Variants in CACNA1C observed in about 807,000 individuals in gnomAD.
CACNA1C encodes voltage-dependent L-type calcium channel subunit alpha-1C.
In CACNA1C, 30 loss-of-function variants were observed where a neutral mutation model predicts 229.0. The observed-to-expected ratio is 0.13, with a 90% CI of 0.10 to 0.18. The LOEUF (loss-of-function observed/expected upper bound fraction) is 0.18, where lower values mean the gene tolerates loss of function less well. Ranked by LOEUF, CACNA1C falls within the 10% of genes least tolerant of loss-of-function variation. The pLI, the probability that CACNA1C is intolerant of heterozygous loss-of-function variation, is 1.00. For missense variants in CACNA1C, 1,658 were observed against 2,845.0 expected (o/e 0.58, Z 9.49); for synonymous variants, 1,114 against 1,132.5 (o/e 0.98, Z 0.33).
chr12:2,218,983 A>G (rs948916115), intron 3 of CACNA1C, among the ~76,000 whole-genome samples: 8 of 152,180 alleles, frequency 5.3e-5, no homozygotes, highest in African/African-American at 9.7e-5. Flanking sequence ...GGAAACTGTC[A>G]GTTTGTAAAT....
chr12:2,186,483 T>A (rs886207985), intron 3 of CACNA1C, among the ~76,000 whole-genome samples: 4 of 152,154 alleles, frequency 2.6e-5, no homozygotes, highest in African/African-American at 7.2e-5. Flanking sequence ...CCAAGAGAAC[T>A]TGCCTTCACT....
chr12:2,221,294 A>T (rs2061409938), intron 3 of CACNA1C, among the ~76,000 whole-genome samples: 2 of 152,140 alleles, frequency 1.3e-5, no homozygotes, highest in African/African-American at 2.4e-5. Flanking sequence ...TTAGAATACC[A>T]TCATTCTGCC....
chr12:2,265,443 T>C (rs865980210), intron 3 of CACNA1C, among the ~76,000 whole-genome samples: 1 of 152,178 alleles, frequency 6.6e-6, no homozygotes, highest in Non-Finnish European at 1.5e-5. Flanking sequence ...TGTGGTTTCC[T>C]CTACTTCCAC....
chr12:2,145,844 C>T (rs2094650551), intron 3 of CACNA1C, among the ~76,000 whole-genome samples: 1 of 150,902 alleles, frequency 6.6e-6, no homozygotes, highest in African/African-American at 2.4e-5. Flanking sequence ...TGGGGAGGCC[C>T]TGCAGTGTAG....
intron 4 of CACNA1C, among the ~76,000 whole-genome samples, chr12:2,455,799 G>A (rs941360732): frequency 2.0e-5 from 3 of 152,102 alleles, no homozygotes; most frequent in South Asian, 2.1e-4. Context: ...TTCATGGGGC[G>A]CCGTTCTCTC....
intron 2 of CACNA1C, among the ~76,000 whole-genome samples, chr12:2,118,631 C>A (rs895605536): frequency 6.6e-6 from 1 of 152,160 alleles, no homozygotes; most frequent in East Asian, 1.9e-4. Flanking sequence ...TCTGTTGGGC[C>A]GTAAGAATGT....
At position 2,067,708 on chromosome 12, in the gene CACNA1C, C is replaced by T. The variant is rs903234585; in HGVS notation, c.49+14097C>T. Among the ~76,000 whole-genome samples, 1 of 152,030 alleles carries T rather than the reference C, an allele frequency of 6.6e-6. No homozygotes were observed. Among genetic ancestry groups the T allele is most frequent in the Non-Finnish European group, 1.5e-5 (1 of 68,002 alleles). On this transcript the variant is annotated intron_variant, in intron 1 of 46. Transcript: ENST00000399655. The surrounding 1 kb of genome is among the most constrained non-coding windows in gnomAD (Gnocchi z 5.3). ...CAGGCTTCCCACAGACTGTCTTGGG[C>T]ATCAAGGACAAGGAACCTGCACTGT...
chr12:2,213,847 C>T (rs910949756), intron 3 of CACNA1C, among the ~76,000 whole-genome samples: 6 of 152,238 alleles, frequency 3.9e-5, no homozygotes, highest in Non-Finnish European at 7.3e-5. Context: ...CCCCTCCTCC[C>T]GCAGTCCATC....
chr12:2,256,414 T>A (rs990456729), intron 3 of CACNA1C, among the ~76,000 whole-genome samples: 9 of 152,232 alleles, frequency 5.9e-5, no homozygotes, highest in African/African-American at 2.2e-4. Flanking sequence ...TTTCCCCTTA[T>A]TCTGATGGTA....
intron 3 of CACNA1C, among the ~76,000 whole-genome samples, chr12:2,188,491 AT>A (rs926158945): frequency 2.0e-5 from 3 of 151,494 alleles, no homozygotes; most frequent in African/African-American, 4.9e-5. Flanking sequence ...TGATTTTCAC[AT>A]TTTTTTTCAG....
chr12:2,023,220 G>A (rs1232911615), intron 1 of CACNA1C, among the ~76,000 whole-genome samples: 5 of 152,182 alleles, frequency 3.3e-5, no homozygotes, highest in Admixed American at 2.6e-4. Context: ...ATATGTTGGA[G>A]TGAACTTTAG....
intron 3 of CACNA1C, among the ~76,000 whole-genome samples, chr12:2,359,538 A>ATT (rs200608699): frequency 6.3e-5 from 9 of 143,546 alleles, no homozygotes; most frequent in South Asian, 2.3e-4. Flanking sequence ...TTGGAGCAGG[A>ATT]TTTTTTTTTT....
intron 9 of CACNA1C, among the ~76,000 whole-genome samples, chr12:2,515,347 A>C (rs1333556613): frequency 6.6e-6 from 1 of 152,186 alleles, no homozygotes; most frequent in African/African-American, 2.4e-5. Flanking sequence ...TCAGAGGCCT[A>C]ATTCACTTGC....
Position 2,566,444 on chromosome 12 carries a change from C to G in CACNA1C, c.1531C>G (p.Arg511Gly). The G allele has an allele frequency of 1.3e-6, 2 of 1,595,720 alleles. No individual in the cohort carries two copies. The highest frequency in any genetic ancestry group is 1.7e-6 in the Non-Finnish European group (2 of 1,170,976). ...CAGCCGCTACTGGCGCCGGTGGAAT[C>G]GGTTCTGCAGAAGGAAGTGCCGCGC... The part of the protein sequence containing the change: ...KFSRYWRRWN[R>G]FCRRKCRAAV... Residue 511 changes from arginine to glycine, a missense_variant, in exon 12 of 47, where the codon CGG becomes GGG. Transcript: ENST00000399655. The surrounding 1 kb of genome is among the most constrained non-coding windows in gnomAD (Gnocchi z 4.0).
intron 1 of CACNA1C, among the ~76,000 whole-genome samples, chr12:2,102,736 C>T (rs1342461016): frequency 6.6e-6 from 1 of 152,134 alleles, no homozygotes; most frequent in African/African-American, 2.4e-5. Context: ...CTCCCCTATC[C>T]CCGTACTCCC....
chr12:2,427,435 C>T (rs796983952), intron 3 of CACNA1C, among the ~76,000 whole-genome samples: 1 of 151,984 alleles, frequency 6.6e-6, no homozygotes, highest in South Asian at 2.1e-4. Context: ...TGCTTTTGTA[C>T]TGATCAATAA....
intron 3 of CACNA1C, among the ~76,000 whole-genome samples, chr12:2,139,034 C>T (rs955339614): frequency 6.6e-6 from 1 of 150,798 alleles, no homozygotes; most frequent in Non-Finnish European, 1.5e-5. Context: ...TTTTCTAGCA[C>T]TGCTGTGAAA....
At position 2,595,716 on chromosome 12, in the gene CACNA1C, G is replaced by A. The variant is rs2067825788; in HGVS notation, c.2664-158G>A. Among the ~76,000 whole-genome samples the A allele has an allele frequency of 2.0e-5, 3 of 152,116 alleles. No individual in the cohort carries two copies. Among genetic ancestry groups the A allele is most frequent in the Admixed American group, 1.3e-4 (2 of 15,276 alleles). On this transcript the variant is annotated intron_variant, in intron 19 of 46. Coordinates refer to ENST00000399655, the MANE Select transcript of CACNA1C (RefSeq NM_000719.7). This position sits in a 1 kb window ranked among gnomAD's most constrained non-coding sequence, Gnocchi z 4.1. ...GGGGGTGAGCAGTTGTCATTACCAA[G>A]CAGCAGTAAGACTTCAGAATGAAGA... is the stretch of plus-strand genomic sequence containing the variant.
intron 3 of CACNA1C, among the ~76,000 whole-genome samples, chr12:2,311,208 T>C (rs1350080563): frequency 6.6e-6 from 1 of 152,218 alleles, no homozygotes; most frequent in African/African-American, 2.4e-5. Context: ...TAGCAAACTC[T>C]GGTTCTTTGA....
Sources: gnomAD v4.1 joint callset for allele counts (sites outside exome capture counted in the v4.1 genomes callset) on GRCh38, gnomAD v4.1.1 for gene constraint, Gnocchi (gnomAD v3.1) non-coding constraint, MANE v1.5 for transcripts, NCBI Gene and HGNC (gene_info 2026-07-23, HGNC 2026-07-21) for gene names.